Variants in PCDHGA4 observed in about 807,000 individuals in gnomAD.
PCDHGA4 encodes the protein protocadherin gamma-A4.
Under a neutral mutation model 54.6 loss-of-function variants are expected in PCDHGA4, and 38 were observed. That is an observed-to-expected ratio of 0.70 (90% CI 0.54 to 0.91). The LOEUF (loss-of-function observed/expected upper bound fraction) is 0.91, where lower values mean the gene tolerates loss of function less well. Among genes scored for constraint, PCDHGA4 ranks in the 40% least tolerant of loss-of-function variants. PCDHGA4 has a pLI of 0.00. For synonymous variants in PCDHGA4, 511 were observed against 512.9 expected (o/e 1.00, Z 0.05); for missense variants, 1,298 against 1,220.9 (o/e 1.06, Z -0.94).
At position 141,355,605 on chromosome 5, in the gene PCDHGA4, A is replaced by G; in HGVS notation, c.498A>G (p.Thr166=). 2 of 1,614,024 alleles carry G rather than the reference A, an allele frequency of 1.2e-6. No homozygotes were observed. Among genetic ancestry groups the G allele is most frequent in the Non-Finnish European group, 1.7e-6 (2 of 1,179,896 alleles). The stretch of plus-strand genomic sequence containing the variant: ...ATGATAACCCACCCAGTTTTGGGAC[A>G]GAACAGAGGGAAATAAAAGTTGCTG... ...DVNDNPPSFG[T]EQREIKVAEN... The change falls in exon 1 of 4, where the codon ACA becomes ACG. Residue 166 remains threonine, a synonymous_variant. Transcript: ENST00000571252.
rs759809060 is a variant in PCDHGA4, at chr5:141,476,317, G to A, written c.2515-18490G>A. 1.2e-6 allele frequency: 2 copies of A among 1,614,170 alleles called. No individual in the cohort carries two copies. Among genetic ancestry groups the A allele is most frequent in the South Asian group, 2.2e-5 (2 of 91,078 alleles). On this transcript the variant is annotated intron_variant, in intron 1 of 3. Coordinates refer to ENST00000571252, the MANE Select transcript of PCDHGA4 (RefSeq NM_018917.4). This position sits in a 1 kb window ranked among gnomAD's most constrained non-coding sequence, Gnocchi z 7.6. Reference sequence around the variant, plus strand: ...GTAGCCTCTCAGCCCGCAGGTTCCGGGTGGTGTCTGGAGCTAGCCGAAGAT... The same window carrying A: ...GTAGCCTCTCAGCCCGCAGGTTCCGAGTGGTGTCTGGAGCTAGCCGAAGAT...
intron 1 of PCDHGA4, among the ~76,000 whole-genome samples, chr5:141,387,521 C>G (rs1036909067): frequency 6.6e-6 from 1 of 152,188 alleles, no homozygotes; most frequent in Non-Finnish European, 1.5e-5. Flanking sequence ...ATTAAATATA[C>G]AGACGTATCC....
rs758599120 is a variant in PCDHGA4 at position 141,414,165 on chromosome 5, A to G, written c.2514+56544A>G. On this transcript the variant is annotated intron_variant, in intron 1 of 3. Transcript: ENST00000571252. The stretch of plus-strand genomic sequence containing the variant: ...AAATACAAGCAGAAGATGGAGGAGC[A>G]TATCTTGCAACTGCAAAAGTGTTGA... 8 of 1,604,890 alleles carry G rather than the reference A, an allele frequency of 5.0e-6. No homozygotes were observed. The highest frequency in any genetic ancestry group is 2.2e-5 in the South Asian group (2 of 89,922).
intron 1 of PCDHGA4, chr5:141,422,941 G>A (rs777535652): frequency 9.9e-6 from 16 of 1,614,218 alleles, no homozygotes; most frequent in East Asian, 4.5e-5. Context: ...CCCCACAGAC[G>A]GCTCCACTGG....
At chr5:141,474,722 C>G (rs1562046141) in intron 1 of PCDHGA4, among the ~76,000 whole-genome samples, 1 of 152,216 alleles carries the variant, frequency 6.6e-6, no homozygotes, top group Non-Finnish European at 1.5e-5. Flanking sequence ...TTCAAAAGGA[C>G]TCTATGCAAT....
In PCDHGA4 at chr5:141,375,320, G is replaced by A. The variant is rs1338614455; in HGVS notation, c.2514+17699G>A. On this transcript the variant is annotated intron_variant, in intron 1 of 3. Coordinates refer to ENST00000571252, the MANE Select transcript of PCDHGA4 (RefSeq NM_018917.4). ...AGTGACAAATGCAGCTCTAGACCGG[G>A]AAGAGGTATTCTTGTACAACATCAC... is the stretch of plus-strand genomic sequence containing the variant. The A allele has an allele frequency of 6.2e-7, 1 of 1,613,688 alleles. No homozygotes were observed. The highest frequency in any genetic ancestry group is 2.2e-5 in the East Asian group (1 of 44,890).
At chr5:141,360,870 C>G in intron 1 of PCDHGA4, 2 of 1,613,990 alleles carry the variant, frequency 1.2e-6, no homozygotes, top group Admixed American at 1.7e-5. Flanking sequence ...TCAGCCAGGA[C>G]GTGTACAGGG....
At chr5:141,459,218 C>T (rs2098963524) in intron 1 of PCDHGA4, among the ~76,000 whole-genome samples, 1 of 152,220 alleles carries the variant, frequency 6.6e-6, no homozygotes, top group South Asian at 2.1e-4. Context: ...TTCTCCAGCT[C>T]CAGGCAACAA....
At chr5:141,402,284 T>C (rs2150926780) in intron 1 of PCDHGA4, among the ~76,000 whole-genome samples, 1 of 152,054 alleles carries the variant, frequency 6.6e-6, no homozygotes, top group African/African-American at 2.4e-5. Context: ...GGATAATCTA[T>C]CCTTATATAT....
At chr5:141,416,186 T>G (rs904230611) in intron 1 of PCDHGA4, 2 of 152,474 alleles carry the variant, frequency 1.3e-5, no homozygotes, top group African/African-American at 4.8e-5. Flanking sequence ...TTCATTAATA[T>G]TGAATTAACA....
intron 1 of PCDHGA4, chr5:141,433,225 G>A: frequency 6.6e-7 from 1 of 1,517,048 alleles, no homozygotes; most frequent in Non-Finnish European, 9.0e-7. Flanking sequence ...TTTTTTAATT[G>A]CTCTGTCTCC....
At chr5:141,488,385 G>A (rs917106670) in intron 1 of PCDHGA4, among the ~76,000 whole-genome samples, 11 of 152,164 alleles carry the variant, frequency 7.2e-5, no homozygotes, top group Non-Finnish European at 1.5e-5. Context: ...TCCTGAATTT[G>A]GTGAAACCAT....
In PCDHGA4 at chr5:141,404,331, A is replaced by G. The variant is rs201757016; in HGVS notation, c.2514+46710A>G. On this transcript the variant is annotated intron_variant, in intron 1 of 3. Coordinates refer to ENST00000571252, the MANE Select transcript of PCDHGA4 (RefSeq NM_018917.4). ...TTCTCTCAAGCCTCCTACTCAGTCT[A>G]CCTCCCGGAAAACAACGCCAGAGGT... 101 of 1,613,692 alleles carry G rather than the reference A, an allele frequency of 6.3e-5. 1 individual carries two copies. The highest frequency in any genetic ancestry group is 6.0e-4 in the African/African-American group (45 of 74,944).
intron 1 of PCDHGA4, among the ~76,000 whole-genome samples, chr5:141,450,267 C>T (rs971441306): frequency 4.6e-5 from 7 of 152,106 alleles, no homozygotes; most frequent in African/African-American, 1.7e-4. Context: ...ATCTGCCCAC[C>T]TCAGCTAAGT....
At chr5:141,417,129 T>C (rs887933624) in intron 1 of PCDHGA4, 2 of 152,218 alleles carry the variant, frequency 1.3e-5, no homozygotes, top group South Asian at 2.1e-4. Context: ...TGGATGATGG[T>C]AATGACTAGG....
intron 1 of PCDHGA4, chr5:141,423,360 G>T (rs762976655): frequency 1.2e-6 from 2 of 1,614,224 alleles, no homozygotes; most frequent in South Asian, 2.2e-5. Context: ...TTGTCATCGT[G>T]CTGCTGGCAC....
rs17097211 is a variant in PCDHGA4 at position 141,423,498 on chromosome 5, G to A, written c.2514+65877G>A. 9.4e-4 allele frequency: 1,510 copies of A among 1,613,948 alleles called. 9 individuals are homozygous for A. In the African/African-American group the frequency reaches 0.016, roughly 17 times the overall value. ...CTTTCCTGCAAACCTATTCCCACGA[G>A]GTCTCTCTCATTGCGGACTCGCAGA... On this transcript the variant is annotated intron_variant, in intron 1 of 3. Transcript: ENST00000571252.
intron 1 of PCDHGA4, among the ~76,000 whole-genome samples, chr5:141,458,380 G>T (rs1592559992): frequency 6.6e-6 from 1 of 152,136 alleles, no homozygotes; most frequent in African/African-American, 2.4e-5. Flanking sequence ...AAGAGAGAAG[G>T]AAGACGCTCC....
chr5:141,432,908 C>G lies in PCDHGA4; in HGVS notation c.2515-61899C>G, dbSNP rs757934634. 6.2e-7 allele frequency: 1 copy of G among 1,614,168 alleles called. No homozygotes were observed. Reference sequence around the variant, plus strand: ...CATCTTGCTGCTGGCGCTCAGGCTGCGGCGCTGGCACAAGTCACGCCTGCT... The same window carrying G: ...CATCTTGCTGCTGGCGCTCAGGCTGGGGCGCTGGCACAAGTCACGCCTGCT... On this transcript the variant is annotated intron_variant, in intron 1 of 3. Transcript: ENST00000571252. This position sits in a 1 kb window ranked among gnomAD's most constrained non-coding sequence, Gnocchi z 6.0.
Sources: allele counts gnomAD v4.1 joint callset (sites outside exome capture counted in the v4.1 genomes callset), GRCh38; gene constraint gnomAD v4.1.1; non-coding constraint Gnocchi (gnomAD v3.1); transcripts MANE v1.5; gene names NCBI Gene and HGNC (gene_info 2026-07-23, HGNC 2026-07-21).